GART: variants seen among roughly 807,000 people sequenced by gnomAD.
GART encodes the protein phosphoribosylglycinamide formyltransferase, phosphoribosylglycinamide synthetase, phosphoribosylaminoimidazole synthetase.
GART carries 43 observed loss-of-function variants against 107.2 expected under a neutral mutation model. The observed-to-expected ratio is 0.40, with a 90% CI of 0.31 to 0.52. The LOEUF is 0.52. Ranked by LOEUF, GART falls within the 20% of genes least tolerant of loss-of-function variation. The probability of loss-of-function intolerance (pLI) is 0.52; values close to 1 mark genes in which losing one functional copy is unlikely to be tolerated. For missense variants in GART, 1,107 were observed against 1,206.5 expected (o/e 0.92, Z 1.22); for synonymous variants, 434 against 427.0 (o/e 1.02, Z -0.20).
intron 18 of GART, 133 bp from the exon 19 acceptor site, chr21:33,506,237 G>A (rs960236122): frequency 1.9e-4 from 172 of 906,958 alleles, no homozygotes; most frequent in Non-Finnish European, 1.9e-4. Flanking sequence ...TCCACCTCCC[G>A]GGTTCAAGCA....
At chr21:33,504,996 C>T (rs1309493006) in intron 20 of GART, among the ~76,000 whole-genome samples, 1 of 152,186 alleles carries the variant, frequency 6.6e-6, no homozygotes, top group Non-Finnish European at 1.5e-5. Flanking sequence ...CCTAAGAATA[C>T]ATAAACTCTT....
At chr21:33,510,761 CA>C (rs942661418) in intron 17 of GART, among the ~76,000 whole-genome samples, 8 of 152,012 alleles carry the variant, frequency 5.3e-5, no homozygotes, top group Non-Finnish European at 8.8e-5. Flanking sequence ...CAAGGTCTGA[CA>C]TTTTTTTTTT....
At chr21:33,527,639 T>C (rs1199321329) in intron 10 of GART, among the ~76,000 whole-genome samples, 1 of 152,030 alleles carries the variant, frequency 6.6e-6, no homozygotes, top group Non-Finnish European at 1.5e-5. Context: ...TTAACATCAT[T>C]TAACGAGATG....
intron 16 of GART, among the ~76,000 whole-genome samples, chr21:33,512,283 C>G (rs1371727996): frequency 1.8e-5 from 1 of 57,124 alleles, no homozygotes; most frequent in Non-Finnish European, 3.2e-5. Context: ...GACTCCGACT[C>G]AAATTGAAAA....
intron 14 of GART, 120 bp downstream of exon 14, chr21:33,520,244 T>C: frequency 1.3e-6 from 1 of 784,258 alleles, no homozygotes; most frequent in South Asian, 1.7e-5. Context: ...ATATCACATA[T>C]ATGCATCTTG....
chr21:33,533,917 G>C (rs986790806), intron 4 of GART, among the ~76,000 whole-genome samples: 2 of 151,612 alleles, frequency 1.3e-5, no homozygotes, highest in South Asian at 4.2e-4. Flanking sequence ...GTTGGGGGGT[G>C]GTGGTGGGGG....
chr21:33,536,106 G>T lies in GART; in HGVS notation c.146-786C>A, dbSNP rs1027851416. On this transcript the variant is annotated intron_variant, in intron 2 of 21. Coordinates refer to ENST00000381815, the MANE Select transcript of GART (RefSeq NM_000819.5). ...GTTTACAATACGCTGTAGGAACGCT[G>T]GGTAATAAACATACAAACAAAAAAA... Among the ~76,000 whole-genome samples, 3 of 152,078 alleles carry T rather than the reference G, an allele frequency of 2.0e-5. No homozygotes were observed. In the East Asian group the frequency reaches 5.8e-4, roughly 29 times the overall value.
intron 14 of GART, chr21:33,519,107 T>C (rs896414281): frequency 3.5e-6 from 1 of 285,674 alleles, no homozygotes; most frequent in Non-Finnish European, 7.0e-6. Flanking sequence ...TGCCTGCAAT[T>C]TGGTTGTTTC....
At chr21:33,517,654 C>G (rs1405354107) in intron 14 of GART, 46 bp from the exon 15 acceptor site, 1 of 1,605,256 alleles carries the variant, frequency 6.2e-7, no homozygotes, top group Non-Finnish European at 8.5e-7. Flanking sequence ...ATTTATAAAT[C>G]TGTCTAGGAA....
intron 16 of GART, among the ~76,000 whole-genome samples, chr21:33,514,076 G>A (rs957562717): frequency 1.1e-4 from 17 of 152,132 alleles, no homozygotes; most frequent in African/African-American, 4.1e-4. Flanking sequence ...AGATCAGCCT[G>A]GGCAATGTGG....
At chr21:33,529,535 C>T (rs932018999) in intron 7 of GART, 3 of 151,204 alleles carry the variant, frequency 2.0e-5, no homozygotes, top group African/African-American at 7.4e-5. Flanking sequence ...TCACCACAAC[C>T]TCCGCCTCCC....
chr21:33,522,455 T>C (rs2084990342), intron 11 of GART, among the ~76,000 whole-genome samples, 173 bp from the exon 12 acceptor site: 1 of 152,228 alleles, frequency 6.6e-6, no homozygotes, highest in Admixed American at 6.5e-5. Context: ...TTAACTGGTC[T>C]AGGGCAGGCT....
At chr21:33,521,417 G>C (rs1242091401) in intron 12 of GART, among the ~76,000 whole-genome samples, 1 of 150,722 alleles carries the variant, frequency 6.6e-6, no homozygotes, top group Non-Finnish European at 1.5e-5. Flanking sequence ...GGATCACAAG[G>C]TCAGGAGATC....
chr21:33,539,970 G>C (rs1279083290), intron 1 of GART, among the ~76,000 whole-genome samples: 2 of 152,102 alleles, frequency 1.3e-5, no homozygotes, highest in Non-Finnish European at 2.9e-5. Context: ...TCATGCCTTA[G>C]TTATGAAATG....
rs1192595576 is a variant in GART, at chr21:33,528,169, G to T, written c.1064C>A (p.Thr355Lys). 6.2e-7 allele frequency: 1 copy of T among 1,613,134 alleles called. No homozygotes were observed. The highest frequency in any genetic ancestry group is 1.7e-5 in the Admixed American group (1 of 59,990). The change falls in exon 10 of 22, where the codon ACA becomes AAA. Residue 355 changes from threonine (T) to lysine (K), a missense_variant and splice_region_variant. Physicochemically the swap from Thr to Lys is moderately conservative, Grantham distance 78. Transcript: ENST00000381815. ...ACCTCTTGCTCCCTGACACTCACCT[G>T]TTATCTCTACACCCTTGGTGTAGTC... ...PGDYTKGVEI[T>K]GFPEAQALGL...
intron 11 of GART, 43 bp from the exon 12 acceptor site, chr21:33,522,325 A>G (rs753354186): frequency 1.5e-6 from 2 of 1,302,602 alleles, no homozygotes; most frequent in Non-Finnish European, 2.2e-6. Flanking sequence ...GTCAGGGAAA[A>G]TTATTTTAAT....
At position 33,531,489 on chromosome 21, in the gene GART, C is replaced by T. The variant is rs762552258; in HGVS notation, c.597G>A (p.Ser199=). 15 of 1,612,448 alleles carry T rather than the reference C, an allele frequency of 9.3e-6. No homozygotes were observed. Among genetic ancestry groups the T allele is most frequent in the East Asian group, 2.2e-5 (1 of 44,852 alleles). ...AAGCCAAAAAGATGAATATACATACCGACACCTCTTCTCCGTCAAGAAGTT... is the reference window on the plus strand; with the variant it reads ...AAGCCAAAAAGATGAATATACATACTGACACCTCTTCTCCGTCAAGAAGTT... The part of the protein sequence containing the change: ...IEELLDGEEV[S]CLCFTDGKTV... Residue 199 remains serine (S), a splice_region_variant and synonymous_variant, in exon 6 of 22, where the codon TCG becomes TCA. Transcript: ENST00000381815.
chr21:33,529,932 C>A (rs1369627105), intron 7 of GART, among the ~76,000 whole-genome samples: 1 of 151,922 alleles, frequency 6.6e-6, no homozygotes, highest in Non-Finnish European at 1.5e-5. Context: ...TGGTAGCTCA[C>A]GCCTGTAATC....
chr21:33,542,822 C>A (rs1354931821), upstream of GART: 1 of 541,394 alleles, frequency 1.8e-6, no homozygotes, highest in Non-Finnish European at 3.3e-6. Context: ...GAGACGGCTC[C>A]TGTAATGGCG....
Sources: allele counts gnomAD v4.1 joint callset (sites outside exome capture counted in the v4.1 genomes callset), GRCh38; gene constraint gnomAD v4.1.1; transcripts MANE v1.5; gene names NCBI Gene and HGNC (gene_info 2026-07-23, HGNC 2026-07-21).